The following TAOK3 variants were observed in gnomAD, a reference collection of about 807,000 sequenced individuals.
TAOK3 encodes the protein TAO kinase 3.
TAOK3 carries 40 observed loss-of-function variants against 120.4 expected under a neutral mutation model. The observed-to-expected ratio is 0.33, with a 90% CI of 0.26 to 0.43. The LOEUF (loss-of-function observed/expected upper bound fraction) is 0.43, where lower values mean the gene tolerates loss of function less well. TAOK3 is among the 20% of genes least tolerant of loss of function. TAOK3 has a pLI of 1.00. For missense variants in TAOK3, 821 were observed against 1,112.1 expected, an observed-to-expected ratio of 0.74 and a Z score of 3.72; for synonymous variants, 355 against 387.5, an observed-to-expected ratio of 0.92 and a Z score of 0.99.
At chr12:118,194,935 G>C (rs1389379593) in intron 13 of TAOK3, among the ~76,000 whole-genome samples, 2 of 152,046 alleles carry the variant, frequency 1.3e-5, no homozygotes, top group African/African-American at 2.4e-5. Flanking sequence ...TTTTAGTAGA[G>C]ACAGATTTTC....
chr12:118,151,258 A>T, intron 20 of TAOK3, 100 bp from the exon 21 acceptor site: 1 of 1,217,630 alleles, frequency 8.2e-7, no homozygotes. Flanking sequence ...ATGCACACAC[A>T]CATAGGCACA....
intron 1 of TAOK3, among the ~76,000 whole-genome samples, chr12:118,312,723 G>GTATC (rs768174068): frequency 1.2e-4 from 19 of 152,288 alleles, no homozygotes; most frequent in Non-Finnish European, 2.2e-4. Flanking sequence ...AAACAGGAGA[G>GTATC]TATCACTTCT....
chr12:118,239,390 C>T, intron 5 of TAOK3, 118 bp from the exon 6 acceptor site: 1 of 601,290 alleles, frequency 1.7e-6, no homozygotes, highest in East Asian at 3.1e-5. Flanking sequence ...TCTGATCTAC[C>T]CGAACTTGGA....
intron 17 of TAOK3, among the ~76,000 whole-genome samples, chr12:118,163,351 A>G (rs910399508): frequency 2.0e-5 from 3 of 151,492 alleles, no homozygotes; most frequent in South Asian, 2.1e-4. Flanking sequence ...GTATTTCTAT[A>G]GTAATTTCCC....
intron 1 of TAOK3, among the ~76,000 whole-genome samples, chr12:118,308,124 C>A (rs2043118487): frequency 1.3e-5 from 2 of 152,098 alleles, no homozygotes; most frequent in African/African-American, 2.4e-5. Flanking sequence ...AGTAAAGAAG[C>A]CGGCCAAAAC....
At chr12:118,237,581 G>A (rs1233957066) in intron 7 of TAOK3, among the ~76,000 whole-genome samples, 1 of 151,826 alleles carries the variant, frequency 6.6e-6, no homozygotes, top group Non-Finnish European at 1.5e-5. Flanking sequence ...TCTGAGCCCT[G>A]GTCTCTTCAT....
At chr12:118,201,139 G>A in intron 12 of TAOK3, 157 bp downstream of exon 12, 2 of 686,492 alleles carry the variant, frequency 2.9e-6, no homozygotes, top group Non-Finnish European at 2.3e-6. Context: ...TTATATAAGT[G>A]TTATTTTATG....
At chr12:118,312,013 A>G (rs2140863389) in intron 1 of TAOK3, among the ~76,000 whole-genome samples, 1 of 152,348 alleles carries the variant, frequency 6.6e-6, no homozygotes, top group African/African-American at 2.4e-5. Context: ...ACATGGGTGG[A>G]GAATTGAGGA....
intron 1 of TAOK3, among the ~76,000 whole-genome samples, chr12:118,268,613 C>T (rs1043085062): frequency 6.6e-5 from 10 of 152,224 alleles, no homozygotes; most frequent in African/African-American, 2.2e-4. Context: ...TCAATAACTG[C>T]AATGTTTGCA....
intron 14 of TAOK3, among the ~76,000 whole-genome samples, chr12:118,188,912 G>A (rs1456880244): frequency 7.4e-6 from 1 of 135,808 alleles, no homozygotes; most frequent in Non-Finnish European, 1.5e-5. Context: ...TGCCAAGGAT[G>A]AAACGATGTG....
intron 1 of TAOK3, among the ~76,000 whole-genome samples, chr12:118,336,826 C>T (rs1186053153): frequency 1.3e-5 from 2 of 152,200 alleles, no homozygotes; most frequent in Non-Finnish European, 2.9e-5. Context: ...AATACCAGCA[C>T]TTTGGGAAGC....
chr12:118,311,343 C>A (rs1220563991), intron 1 of TAOK3, among the ~76,000 whole-genome samples: 1 of 152,140 alleles, frequency 6.6e-6, no homozygotes, highest in Non-Finnish European at 1.5e-5. Flanking sequence ...CACCTGTAAT[C>A]CCAGCTACTT....
chr12:118,221,523 C>T (rs1209084584), intron 9 of TAOK3, among the ~76,000 whole-genome samples: 6 of 151,840 alleles, frequency 4.0e-5, no homozygotes, highest in Non-Finnish European at 8.8e-5. Flanking sequence ...CATGAGCCAC[C>T]GTGCCCAGCA....
At chr12:118,285,192 G>A (rs464227) in intron 1 of TAOK3, among the ~76,000 whole-genome samples, 41,883 of 151,476 alleles carry the variant, frequency 0.28, 5,889 homozygotes, top group Middle Eastern at 0.41. Flanking sequence ...ACAGGTGCAC[G>A]CCACCATACC....
chr12:118,279,582 ATT>A (rs1285001157), intron 1 of TAOK3, among the ~76,000 whole-genome samples: 16 of 121,262 alleles, frequency 1.3e-4, no homozygotes, highest in Non-Finnish European at 2.3e-4. Flanking sequence ...TCTTGAGTTG[ATT>A]TTTTTTTTTT....
intron 9 of TAOK3, among the ~76,000 whole-genome samples, chr12:118,219,151 G>T (rs1444973281): frequency 1.3e-5 from 2 of 152,086 alleles, no homozygotes; most frequent in Non-Finnish European, 2.9e-5. Flanking sequence ...CTTTACGTGT[G>T]CTTCACTCAA....
intron 1 of TAOK3, among the ~76,000 whole-genome samples, chr12:118,290,712 T>A (rs2042438298): frequency 6.6e-6 from 1 of 152,034 alleles, no homozygotes; most frequent in African/African-American, 2.4e-5. Flanking sequence ...ACTACAGGGG[T>A]GTTCCACCAT....
intron 17 of TAOK3, among the ~76,000 whole-genome samples, chr12:118,167,519 T>C (rs1191977287): frequency 6.6e-6 from 1 of 150,898 alleles, no homozygotes; most frequent in Non-Finnish European, 1.5e-5. Context: ...ATTGAGGCCA[T>C]ACAACAAAAT....
intron 9 of TAOK3, among the ~76,000 whole-genome samples, chr12:118,216,724 C>T (rs1017104045): frequency 2.6e-5 from 4 of 151,870 alleles, no homozygotes; most frequent in Non-Finnish European, 4.4e-5. Context: ...GTCAGGAGAT[C>T]GAGACCATCC....
Sources: allele counts gnomAD v4.1 joint callset (sites outside exome capture counted in the v4.1 genomes callset), GRCh38; gene constraint gnomAD v4.1.1; transcripts MANE v1.5; gene names NCBI Gene and HGNC (gene_info 2026-07-23, HGNC 2026-07-21).